ITGA3: variants seen among roughly 807,000 people sequenced by gnomAD.
ITGA3 encodes the protein integrin subunit alpha 3, also known as integrin alpha-3.
In ITGA3, 70 loss-of-function variants were observed where a neutral mutation model predicts 131.1. That is an observed-to-expected ratio of 0.53 (90% CI 0.44 to 0.65). ITGA3 has a LOEUF of 0.65. Among genes scored for constraint, ITGA3 ranks in the 30% least tolerant of loss-of-function variants. ITGA3 has a pLI of 0.00. For missense variants in ITGA3, 1,098 were observed against 1,388.6 expected (o/e 0.79, Z 3.33); for synonymous variants, 537 against 571.6 (o/e 0.94, Z 0.86).
intron 1 of ITGA3, among the ~76,000 whole-genome samples, chr17:50,059,677 T>G (rs1022420062): frequency 1.3e-5 from 2 of 152,244 alleles, no homozygotes; most frequent in Middle Eastern, 3.4e-3. Context: ...AGGGGAAGCC[T>G]GATCTTGTAG....
At position 50,076,855 on chromosome 17, in the gene ITGA3, G is replaced by T. The variant is rs1567701804; in HGVS notation, c.1923-119G>T. Reference sequence around the variant, plus strand: ...TCCTCCAGGTGCGACTAGAGGACGGGGCCTGGCTGTCCCAAGATGGGCTTT... The same window carrying T: ...TCCTCCAGGTGCGACTAGAGGACGGTGCCTGGCTGTCCCAAGATGGGCTTT... On this transcript the variant is annotated intron_variant, in intron 14 of 25. Coordinates refer to ENST00000320031, the MANE Select transcript of ITGA3 (RefSeq NM_002204.4). 3.2e-6 allele frequency: 4 copies of T among 1,258,774 alleles called. No individual in the cohort carries two copies. In the Admixed American group the frequency reaches 5.9e-5, roughly 19 times the overall value. 78.0% of individuals were successfully genotyped at this position (1,258,774 alleles called of 1,614,324 possible). A position where few individuals can be genotyped will look rare whatever the true frequency, so the allele number is the denominator to read the frequency against.
chr17:50,073,140 C>G (rs984211588), intron 7 of ITGA3, among the ~76,000 whole-genome samples: 3 of 152,170 alleles, frequency 2.0e-5, no homozygotes, highest in African/African-American at 7.2e-5. Flanking sequence ...CTTGCTGATT[C>G]CCTAGGCCTT....
At chr17:50,067,543 A>G (rs1283055332) in intron 3 of ITGA3, among the ~76,000 whole-genome samples, 2 of 152,190 alleles carry the variant, frequency 1.3e-5, no homozygotes, top group Non-Finnish European at 2.9e-5. Context: ...AATCATTCCT[A>G]CACCATAGGG....
intron 4 of ITGA3, 42 bp downstream of exon 4, chr17:50,068,347 G>T: frequency 6.2e-7 from 1 of 1,601,852 alleles, no homozygotes; most frequent in South Asian, 1.1e-5. Context: ...GAAGAGCAGA[G>T]ACCACCCACC....
intron 4 of ITGA3, among the ~76,000 whole-genome samples, chr17:50,068,854 A>ATTTATTTATTTT (rs1908472307): frequency 1.8e-5 from 2 of 110,556 alleles, no homozygotes; most frequent in Non-Finnish European, 1.9e-5. Context: ...TTATTTATTT[A>ATTTATTTATTTT]TTTATTTTTT....
intron 9 of ITGA3, 67 bp from the exon 10 acceptor site, chr17:50,074,381 G>T: frequency 2.5e-6 from 4 of 1,598,186 alleles, no homozygotes; most frequent in Non-Finnish European, 3.4e-6. Flanking sequence ...TTGGAAGCCT[G>T]GGCCCCAACT....
chr17:50,077,602 A>T (rs1027269012), intron 16 of ITGA3, among the ~76,000 whole-genome samples, 155 bp downstream of exon 16: 2 of 152,168 alleles, frequency 1.3e-5, no homozygotes, highest in African/African-American at 2.4e-5. Flanking sequence ...GGGTGAGAAG[A>T]GGCCCAGAAA....
At position 50,064,536 on chromosome 17, in the gene ITGA3, G is replaced by A; in HGVS notation, c.343G>A (p.Gly115Ser). The A allele has an allele frequency of 6.2e-7, 1 of 1,612,336 alleles. No individual in the cohort carries two copies. The highest frequency in any genetic ancestry group is 8.5e-7 in the Non-Finnish European group (1 of 1,179,578). ...RMNITVKNDP[G>S]HHIIEDMWLG... Reference sequence around the variant, plus strand: ...CCTTCCGGTGCCCACAGATGACCCTGGCCATCACATTATTGAGGACATGTG... The same window carrying A: ...CCTTCCGGTGCCCACAGATGACCCTAGCCATCACATTATTGAGGACATGTG... The change falls in exon 3 of 26, where the codon GGC becomes AGC. Residue 115 changes from glycine to serine, a missense_variant. Gly to Ser is a moderately conservative substitution (Grantham distance 56). This residue lies in a region of ITGA3 where 356 missense variants were observed against 529.2 expected (regional missense o/e 0.67). Coordinates refer to ENST00000320031, the MANE Select transcript of ITGA3 (RefSeq NM_002204.4). This position sits in a 1 kb window ranked among gnomAD's most constrained non-coding sequence, Gnocchi z 4.4.
At position 50,076,318 on chromosome 17, in the gene ITGA3, C is replaced by A. The variant is rs373834648; in HGVS notation, c.1675-8C>A. The A allele has an allele frequency of 1.2e-6, 2 of 1,612,502 alleles. No individual in the cohort carries two copies. Among genetic ancestry groups the A allele is most frequent in the East Asian group, 2.2e-5 (1 of 44,842 alleles). The stretch of plus-strand genomic sequence containing the variant: ...CAGGGCCGGGCTCAGCTCACCCTCT[C>A]TCCCCAGGACAACCTCCGTGACAAA... On this transcript the variant is annotated splice_region_variant and splice_polypyrimidine_tract_variant and intron_variant, in intron 12 of 25. Coordinates refer to ENST00000320031, the MANE Select transcript of ITGA3 (RefSeq NM_002204.4).
intron 1 of ITGA3, among the ~76,000 whole-genome samples, chr17:50,062,732 A>G (rs1292804390): frequency 6.6e-6 from 1 of 152,218 alleles, no homozygotes; most frequent in African/African-American, 2.4e-5. Context: ...CACAGGTCCC[A>G]GGCAGAAGCT....
chr17:50,076,718 G>A, intron 14 of ITGA3, 37 bp downstream of exon 14: 1 of 1,545,800 alleles, frequency 6.5e-7, no homozygotes. Context: ...ATCGGCCAAG[G>A]GTGGGACGGG....
At position 50,078,938 on chromosome 17, in the gene ITGA3, G is replaced by A. The variant is rs375442751; in HGVS notation, c.2400+12G>A. 3.6e-4 allele frequency: 560 copies of A among 1,564,532 alleles called. 4 individuals are homozygous for A. The highest frequency in any genetic ancestry group is 8.3e-5 in the Admixed American group (5 of 59,962). On this transcript the variant is annotated intron_variant, in intron 19 of 25. Coordinates refer to ENST00000320031, the MANE Select transcript of ITGA3 (RefSeq NM_002204.4). ...AGTATGAATTCCAGGTAAGGGGCTC[G>A]CCAGAGTCCTGGGCTGGGGACTTCT...
chr17:50,058,324 AC>A (rs1907922985), intron 1 of ITGA3, among the ~76,000 whole-genome samples: 1 of 152,234 alleles, frequency 6.6e-6, no homozygotes, highest in Non-Finnish European at 1.5e-5. Context: ...CAGATCTGTT[AC>A]CAATACCTGA....
rs1306333580 is a variant in ITGA3 at position 50,088,376 on chromosome 17, C to T, written c.*31+10C>T. On this transcript the variant is annotated intron_variant, in intron 25 of 25. Transcript: ENST00000320031. ...CCCCCGGCCCACCTGGGTAACACGGCCTCCGGGCCCCCTTCCCCGAGCCCC... is the reference window on the plus strand; with the variant it reads ...CCCCCGGCCCACCTGGGTAACACGGTCTCCGGGCCCCCTTCCCCGAGCCCC... The T allele has an allele frequency of 1.4e-6, 2 of 1,433,934 alleles. No individual in the cohort carries two copies. Among genetic ancestry groups the T allele is most frequent in the East Asian group, 2.5e-5 (1 of 40,424 alleles). The allele number at this position is 1,433,934 out of a possible 1,614,324, so 88.8% of individuals were successfully genotyped here.
chr17:50,078,037 T>C lies in ITGA3; in HGVS notation c.2140-9T>C, dbSNP rs1908998105. 6.8e-6 allele frequency: 11 copies of C among 1,607,976 alleles called. No individual in the cohort carries two copies. Among genetic ancestry groups the C allele is most frequent in the Non-Finnish European group, 9.4e-6 (11 of 1,175,324 alleles). On this transcript the variant is annotated splice_polypyrimidine_tract_variant and intron_variant, in intron 16 of 25. Transcript: ENST00000320031. ...ATGCCACTCTCTGCCTCCCTGACCC[T>C]TGTGGCAGATGGAGCTGCTCATCGC... is the stretch of plus-strand genomic sequence containing the variant.
Position 50,064,377 on chromosome 17 carries a change from G to A in ITGA3, c.335-151G>A. The A allele has an allele frequency of 8.8e-7, 1 of 1,132,348 alleles. No homozygotes were observed. The highest frequency in any genetic ancestry group is 2.6e-5 in the East Asian group (1 of 38,904). The allele number at this position is 1,132,348 out of a possible 1,614,324, so 70.1% of individuals were successfully genotyped here. On this transcript the variant is annotated intron_variant, in intron 2 of 25. Coordinates refer to ENST00000320031, the MANE Select transcript of ITGA3 (RefSeq NM_002204.4). This position sits in a 1 kb window ranked among gnomAD's most constrained non-coding sequence, Gnocchi z 4.4. ...AGTGGGGCTGGATGGGATTGGTAGA[G>A]CTCAGAATAATGACGAGCTGGAGAA...
chr17:50,064,706 C>T lies in ITGA3; in HGVS notation c.414+99C>T, dbSNP rs986859017. On this transcript the variant is annotated intron_variant, in intron 3 of 25. Transcript: ENST00000320031. The surrounding 1 kb of genome is among the most constrained non-coding windows in gnomAD (Gnocchi z 4.4). ...AAGAGGGCAGCAGGGGGGTCCACGG[C>T]GCGTGTGTGCTGGGGCCTGCACACA... The T allele has an allele frequency of 5.2e-6, 5 of 956,858 alleles. No individual in the cohort carries two copies. The highest frequency in any genetic ancestry group is 3.2e-5 in the African/African-American group (2 of 61,780). The allele number at this position is 956,858 out of a possible 1,614,324, so 59.3% of individuals were successfully genotyped here.
Position 50,071,366 on chromosome 17 carries a change from G to A in ITGA3, c.807G>A (p.Val269=). 6.2e-7 allele frequency: 1 copy of A among 1,614,188 alleles called. No homozygotes were observed. Among genetic ancestry groups the A allele is most frequent in the Non-Finnish European group, 8.5e-7 (1 of 1,180,050 alleles). Residue 269 remains valine (V), a synonymous_variant, in exon 6 of 26, where the codon GTG becomes GTA. Transcript: ENST00000320031. ...TGCACCCCAAAAACATCACCATTGT[G>A]ACAGGTGCCCCACGGCACCGACATA... ...FILHPKNITI[V]TGAPRHRHMG...
chr17:50,075,435 C>T, intron 10 of ITGA3, 24 bp from the exon 11 acceptor site: 1 of 1,613,566 alleles, frequency 6.2e-7, no homozygotes, highest in Non-Finnish European at 8.5e-7. Context: ...CTGTGACCCG[C>T]CCTCCTGTAC....
Sources: gnomAD v4.1 joint callset for allele counts (sites outside exome capture counted in the v4.1 genomes callset) on GRCh38, gnomAD v4.1.1 for gene constraint, gnomAD v4.1.1 regional missense constraint, Gnocchi (gnomAD v3.1) non-coding constraint, MANE v1.5 for transcripts, NCBI Gene and HGNC (gene_info 2026-07-23, HGNC 2026-07-21) for gene names.